DOCK5: variants seen among roughly 807,000 people sequenced by gnomAD.
DOCK5 encodes dedicator of cytokinesis protein 5.
A neutral mutation model predicts 251.8 loss-of-function variants in DOCK5; 142 were observed. The observed-to-expected ratio is 0.56, with a 90% confidence interval of 0.49 to 0.65. The LOEUF is 0.65. Among genes scored for constraint, DOCK5 ranks in the 30% least tolerant of loss-of-function variants. The pLI, the probability that DOCK5 is intolerant of heterozygous loss-of-function variation, is 0.00. For synonymous variants in DOCK5, 842 were observed against 835.5 expected, an observed-to-expected ratio of 1.01 and a Z score of -0.13; for missense variants, 2,111 against 2,312.3, an observed-to-expected ratio of 0.91 and a Z score of 1.79.
intron 1 of DOCK5, among the ~76,000 whole-genome samples, chr8:25,217,016 T>TATGTATAGATGTATACAATATGTGTATAC (rs1563311438): frequency 0.017 from 1,699 of 100,768 alleles, 106 homozygotes; most frequent in African/African-American, 0.065. Flanking sequence ...GTGTATACAA[T>TATGTATAGATGTATACAATATGTGTATAC]ATGTATAGAT....
intron 40 of DOCK5, among the ~76,000 whole-genome samples, chr8:25,384,741 T>C (rs1331492003): frequency 6.6e-6 from 1 of 152,008 alleles, no homozygotes; most frequent in Non-Finnish European, 1.5e-5. Context: ...ATTATAGGCA[T>C]GAGCCACCGT....
At chr8:25,193,819 C>T (rs907642158) in intron 1 of DOCK5, among the ~76,000 whole-genome samples, 1 of 152,020 alleles carries the variant, frequency 6.6e-6, no homozygotes, top group Non-Finnish European at 1.5e-5. Flanking sequence ...CTGAAAAAGA[C>T]ACTTGTTTAC....
intron 34 of DOCK5, among the ~76,000 whole-genome samples, chr8:25,370,795 C>G (rs1321196053): frequency 6.6e-6 from 1 of 151,986 alleles, no homozygotes; most frequent in East Asian, 1.9e-4. Context: ...CGTGCACCAC[C>G]ATGCCCAGCT....
At chr8:25,365,445 A>ATG (rs1800759433) in intron 30 of DOCK5, among the ~76,000 whole-genome samples, 1 of 152,264 alleles carries the variant, frequency 6.6e-6, no homozygotes, top group Non-Finnish European at 1.5e-5. Flanking sequence ...ATGCACAAAC[A>ATG]AAGCAATGAA....
intron 3 of DOCK5, among the ~76,000 whole-genome samples, chr8:25,270,101 G>A (rs191773999): frequency 1.6e-4 from 24 of 152,254 alleles, no homozygotes; most frequent in African/African-American, 5.3e-4. Flanking sequence ...TATTCATCTA[G>A]CAAAATAAAG....
chr8:25,355,195 C>G (rs771813403), intron 27 of DOCK5, among the ~76,000 whole-genome samples: 4 of 152,114 alleles, frequency 2.6e-5, no homozygotes, highest in Non-Finnish European at 5.9e-5. Context: ...GAAGGTGCCA[C>G]TGTGCTTCAG....
chr8:25,334,012 G>A (rs565072384), intron 20 of DOCK5, 84 bp from the exon 21 acceptor site: 10 of 957,892 alleles, frequency 1.0e-5, no homozygotes, highest in Admixed American at 1.8e-5. Context: ...GAGGAAAGAA[G>A]GCACCGAGAT....
At chr8:25,350,912 CACAA>C (rs1316798596) in intron 26 of DOCK5, among the ~76,000 whole-genome samples, 5 of 152,174 alleles carry the variant, frequency 3.3e-5, no homozygotes, top group African/African-American at 7.2e-5. Context: ...CTGGAGGAGA[CACAA>C]ACATTTACTC....
Position 25,391,912 on chromosome 8 carries a change from G to A in DOCK5, c.4372G>A (p.Glu1458Lys), listed in dbSNP as rs1801265971. 6.2e-7 allele frequency: 1 copy of A among 1,613,896 alleles called. No homozygotes were observed. The highest frequency in any genetic ancestry group is 8.5e-7 in the Non-Finnish European group (1 of 1,179,854). The change falls in exon 43 of 52, where the codon GAA (glutamate) becomes AAA (lysine). Residue 1458 changes from glutamate (E) to lysine (K), a missense_variant. Glu to Lys is a moderately conservative substitution (Grantham distance 56). Around this residue, in one of 3 missense-constraint regions of DOCK5, gnomAD observed 1,717 missense variants for 1,892.4 expected, o/e 0.91. Transcript: ENST00000276440. ...CTTCTCCAGCTACTACAGAGCCAATGAAGTGCAGCAGTTCAGATACTCCCG... is the reference window on the plus strand; with the variant it reads ...CTTCTCCAGCTACTACAGAGCCAATAAAGTGCAGCAGTTCAGATACTCCCG... The part of the protein sequence containing the change: ...EQILNYYRAN[E>K]VQQFRYSRPF...
At chr8:25,366,791 C>A in intron 30 of DOCK5, 79 bp from the exon 31 acceptor site, 1 of 1,050,026 alleles carries the variant, frequency 9.5e-7, no homozygotes, top group African/African-American at 1.6e-5. Flanking sequence ...TGACTTTTTA[C>A]CATGTGACAT....
At chr8:25,185,667 GAGGACATTTTATTA>G (rs1443034609) in intron 1 of DOCK5, among the ~76,000 whole-genome samples, 1 of 152,212 alleles carries the variant, frequency 6.6e-6, no homozygotes, top group Non-Finnish European at 1.5e-5. Context: ...GAGACGAGAA[GAGGACATTTTATTA>G]AGGAAACTGT....
intron 22 of DOCK5, among the ~76,000 whole-genome samples, chr8:25,339,656 A>G (rs918632048): frequency 6.6e-6 from 1 of 152,194 alleles, no homozygotes; most frequent in Non-Finnish European, 1.5e-5. Flanking sequence ...GCAGGGACCT[A>G]TAGGGCACCA....
chr8:25,323,799 C>T, intron 16 of DOCK5, 49 bp from the exon 17 acceptor site: 1 of 1,583,372 alleles, frequency 6.3e-7, no homozygotes, highest in East Asian at 2.3e-5. Flanking sequence ...TAGCCATCGC[C>T]TCCTGGTGTC....
At chr8:25,334,731 G>A (rs1425300634) in intron 21 of DOCK5, among the ~76,000 whole-genome samples, 2 of 149,866 alleles carry the variant, frequency 1.3e-5, no homozygotes, top group African/African-American at 2.5e-5. Context: ...AAAAAAAATC[G>A]AGCAAAATCA....
At chr8:25,375,117 C>T (rs1800941848) in intron 37 of DOCK5, 1 of 506,546 alleles carries the variant, frequency 2.0e-6, no homozygotes, top group Admixed American at 5.3e-5. Flanking sequence ...AGCACCTTCT[C>T]TAACTTTGGA....
chr8:25,307,122 C>CT (rs747987347), intron 11 of DOCK5, among the ~76,000 whole-genome samples: 1,880 of 145,320 alleles, frequency 0.013, 20 homozygotes, highest in African/African-American at 0.036. Context: ...CATTAATAAT[C>CT]TTTTTTTTTT....
intron 5 of DOCK5, among the ~76,000 whole-genome samples, chr8:25,283,532 A>C (rs1454157239): frequency 3.9e-5 from 6 of 152,016 alleles, no homozygotes; most frequent in Admixed American, 3.9e-4. Context: ...GACCACAAGG[A>C]CTCCGCCAAT....
chr8:25,228,480 C>A (rs1283339615), intron 1 of DOCK5, among the ~76,000 whole-genome samples: 1 of 152,154 alleles, frequency 6.6e-6, no homozygotes, highest in African/African-American at 2.4e-5. Flanking sequence ...GTGGCTACCC[C>A]ATAGGCAGTG....
At chr8:25,199,219 G>A (rs934021667) in intron 1 of DOCK5, among the ~76,000 whole-genome samples, 1 of 152,136 alleles carries the variant, frequency 6.6e-6, no homozygotes, top group African/African-American at 2.4e-5. Flanking sequence ...AAAGGGTCAT[G>A]TATTGCTAAT....
Sources: allele counts gnomAD v4.1 joint callset (sites outside exome capture counted in the v4.1 genomes callset), GRCh38; gene constraint gnomAD v4.1.1; regional missense constraint gnomAD v4.1.1; transcripts MANE v1.5; gene names NCBI Gene and HGNC (gene_info 2026-07-23, HGNC 2026-07-21).